Variants in FAF2 observed in about 807,000 individuals in gnomAD.
The protein encoded by FAF2 is FAS-associated factor 2.
A neutral mutation model predicts 62.3 loss-of-function variants in FAF2; 9 were observed. The ratio of observed to expected loss-of-function variants is 0.14; its 90% CI spans 0.09 to 0.25. The LOEUF (loss-of-function observed/expected upper bound fraction) is 0.25, where lower values mean the gene tolerates loss of function less well. FAF2 is among the 10% of genes least tolerant of loss of function. FAF2 has a pLI of 1.00. For synonymous variants in FAF2, 202 were observed against 198.0 expected (o/e 1.02, Z -0.17); for missense variants, 368 against 556.2 (o/e 0.66, Z 3.40).
intron 5 of FAF2, among the ~76,000 whole-genome samples, 173 bp from the exon 6 acceptor site, chr5:176,493,826 A>G (rs1224540658): frequency 1.3e-5 from 2 of 152,188 alleles, no homozygotes; most frequent in African/African-American, 2.4e-5. Flanking sequence ...AGGGAGAACA[A>G]TGCCAGGGGT....
chr5:176,495,183 A>C (rs1199194431), intron 7 of FAF2, among the ~76,000 whole-genome samples: 1 of 152,170 alleles, frequency 6.6e-6, no homozygotes, highest in East Asian at 1.9e-4. Context: ...AAATGTAGTC[A>C]TTTTTGTGGC....
At chr5:176,488,870 A>T in intron 3 of FAF2, 81 bp from the exon 4 acceptor site, 1 of 1,120,928 alleles carries the variant, frequency 8.9e-7, no homozygotes, top group Non-Finnish European at 1.4e-6. Flanking sequence ...GACCAAAAAG[A>T]GTGAGAAAAT....
intron 2 of FAF2, among the ~76,000 whole-genome samples, chr5:176,482,220 G>GTTTT (rs34956788): frequency 2.8e-5 from 4 of 142,034 alleles, no homozygotes; most frequent in Non-Finnish European, 3.0e-5. Context: ...AGCTGTGAAA[G>GTTTT]TTTTTTTTTT....
chr5:176,468,893 A>G (rs897612041), intron 1 of FAF2, among the ~76,000 whole-genome samples: 4 of 151,804 alleles, frequency 2.6e-5, no homozygotes, highest in African/African-American at 7.3e-5. Flanking sequence ...ACAGTGAGCT[A>G]TGATCATGCT....
At chr5:176,459,681 A>G (rs1036292516) in intron 1 of FAF2, among the ~76,000 whole-genome samples, 1 of 152,104 alleles carries the variant, frequency 6.6e-6, no homozygotes, top group African/African-American at 2.4e-5. Context: ...GCAAAATGAC[A>G]TAGATATTTG....
intron 1 of FAF2, among the ~76,000 whole-genome samples, chr5:176,456,323 C>T (rs1360360552): frequency 1.3e-5 from 2 of 152,146 alleles, no homozygotes; most frequent in Non-Finnish European, 2.9e-5. Flanking sequence ...CCGCCTACCT[C>T]GGCCTCTCAA....
At chr5:176,464,050 T>C (rs1165453074) in intron 1 of FAF2, among the ~76,000 whole-genome samples, 2 of 152,178 alleles carry the variant, frequency 1.3e-5, no homozygotes, top group East Asian at 1.9e-4. Flanking sequence ...CTATTGCTGC[T>C]ACACAAATTA....
In FAF2 at chr5:176,451,843, C is replaced by CATATATATAT. The variant is rs1561813505; in HGVS notation, c.63+3374_63+3375insTATATATATA. ...ATATATATATACATATATATATATACACACATATATATACACATATATATA... is the reference window on the plus strand; with the variant it reads ...ATATATATATACATATATATATATACATATATATATACACATATATATACACATATATATA... On this transcript the variant is annotated intron_variant, in intron 1 of 10. Transcript: ENST00000261942. Among the ~76,000 whole-genome samples the CATATATATAT allele has an allele frequency of 8.5e-4, 11 of 12,972 alleles. 1 individual carries two copies. Among genetic ancestry groups the CATATATATAT allele is most frequent in the African/African-American group, 2.3e-3 (9 of 3,926 alleles). The allele number at this position is 12,972 out of a possible 152,430, so 8.5% of individuals were successfully genotyped here.
chr5:176,475,162 G>A (rs865950044), intron 1 of FAF2, among the ~76,000 whole-genome samples: 16 of 152,104 alleles, frequency 1.1e-4, no homozygotes, highest in African/African-American at 3.9e-4. Flanking sequence ...ATTGAGATGA[G>A]GTCTCTCTGT....
At chr5:176,449,731 C>T (rs1758132319) in intron 1 of FAF2, among the ~76,000 whole-genome samples, 1 of 152,176 alleles carries the variant, frequency 6.6e-6, no homozygotes, top group Non-Finnish European at 1.5e-5. Context: ...CACTTATTTC[C>T]TTATATAAAA....
intron 4 of FAF2, among the ~76,000 whole-genome samples, chr5:176,489,513 C>G (rs1581070898): frequency 6.6e-6 from 1 of 152,076 alleles, no homozygotes; most frequent in East Asian, 1.9e-4. Context: ...CCTAGACACT[C>G]CTGTTACACC....
rs199646213 is a variant in FAF2 at position 176,488,922 on chromosome 5, T to C, written c.268-29T>C. 1.0e-4 allele frequency: 160 copies of C among 1,568,726 alleles called. 1 individual carries two copies. The African/African-American group carries it at 1.8e-3, about 18-fold the overall frequency. On this transcript the variant is annotated intron_variant, in intron 3 of 10. Transcript: ENST00000261942. The stretch of plus-strand genomic sequence containing the variant: ...ATAAAATATTAGGGATTGAGAGAAT[T>C]GTCTCTAACTTTGTTTTTGGACTTT...
intron 7 of FAF2, among the ~76,000 whole-genome samples, chr5:176,495,250 C>G (rs1436395198): frequency 6.6e-6 from 1 of 152,162 alleles, no homozygotes; most frequent in Non-Finnish European, 1.5e-5. Flanking sequence ...TGTGCCATGT[C>G]TTGAGAACCA....
chr5:176,471,725 C>T (rs1758573986), intron 1 of FAF2, among the ~76,000 whole-genome samples: 1 of 137,592 alleles, frequency 7.3e-6, no homozygotes, highest in African/African-American at 2.7e-5. Context: ...CTCTGTCTGT[C>T]ACCTGGGCTG....
chr5:176,451,831 T>C (rs13357139), intron 1 of FAF2, among the ~76,000 whole-genome samples: 841 of 25,934 alleles, frequency 0.032, 130 homozygotes, highest in Admixed American at 0.17. Context: ...TATATATACA[T>C]ATATATATAT....
In FAF2 at chr5:176,488,961, G is replaced by A; in HGVS notation, c.278G>A (p.Gly93Glu). ...VSRPQPRGLL[G>E]WGYYLIMLPF... ...TTTTTGGACTTTCAGGGGCTGCTTG[G>A]ATGGGGTTATTACTTGATAATGCTT... Residue 93 changes from glycine to glutamate, a missense_variant, in exon 4 of 11, where the codon GGA becomes GAA. Transcript: ENST00000261942. 6.2e-7 allele frequency: 1 copy of A among 1,613,964 alleles called. No individual in the cohort carries two copies. The highest frequency in any genetic ancestry group is 8.5e-7 in the Non-Finnish European group (1 of 1,179,908).
chr5:176,494,056 G>A lies in FAF2; in HGVS notation c.541G>A (p.Asp181Asn), dbSNP rs757541270. The A allele has an allele frequency of 6.2e-7, 1 of 1,614,028 alleles. No homozygotes were observed. The highest frequency in any genetic ancestry group is 1.7e-5 in the Admixed American group (1 of 60,018). ...RFLLVYLHGD[D>N]HQDSDEFCRN... ...TCTTTTGGTTTATCTTCATGGAGAT[G>A]ATCACCAGGACTCTGATGAGTTTTG... Residue 181 changes from aspartate (D) to asparagine (N), a missense_variant, in exon 6 of 11, where the codon GAT becomes AAT. Physicochemically the swap from Asp to Asn is conservative, Grantham distance 23. Around this residue, in one of 2 missense-constraint regions of FAF2, gnomAD observed 331 missense variants for 441.9 expected, o/e 0.75. Coordinates refer to ENST00000261942, the MANE Select transcript of FAF2 (RefSeq NM_014613.3). The surrounding 1 kb of genome is among the most constrained non-coding windows in gnomAD (Gnocchi z 4.0).
rs757253233 is a variant in FAF2, at chr5:176,498,965, C to T, written c.891C>T (p.Tyr297=). 35 of 1,612,794 alleles carry T rather than the reference C, an allele frequency of 2.2e-5. No individual in the cohort carries two copies. In the Admixed American group the frequency reaches 4.8e-4, roughly 22 times the overall value. ...QVLRQQQDEA[Y]LASLRADQEK... ...TGAGACAACAGCAGGATGAGGCCTACCTGGCCTCTCTCAGAGCTGACCAGG... is the reference window on the plus strand; with the variant it reads ...TGAGACAACAGCAGGATGAGGCCTATCTGGCCTCTCTCAGAGCTGACCAGG... The change falls in exon 9 of 11, where the codon TAC becomes TAT. Residue 297 remains tyrosine (Y), a synonymous_variant. Coordinates refer to ENST00000261942, the MANE Select transcript of FAF2 (RefSeq NM_014613.3).
rs887334059 is a variant in FAF2, at chr5:176,486,424, C to A, written c.202C>A (p.Pro68Thr). 4 of 1,614,116 alleles carry A rather than the reference C, an allele frequency of 2.5e-6. No homozygotes were observed. The African/African-American group carries it at 4.0e-5, about 16-fold the overall frequency. ...TGTTTTCAACCCACCTCCATCACGA[C>A]CCCTGCAGGTTAATACAGCTGACCA... is the stretch of plus-strand genomic sequence containing the variant. ...PSVFNPPPSRPLQVNTADHRI... is the reference protein window; with the variant it reads ...PSVFNPPPSRTLQVNTADHRI... The change falls in exon 3 of 11, where the codon CCC becomes ACC. Residue 68 changes from proline to threonine, a missense_variant. By Grantham distance (38) the Pro-to-Thr change is conservative. This residue lies in a region of FAF2 where 331 missense variants were observed against 441.9 expected (regional missense o/e 0.75). Transcript: ENST00000261942.
Sources: allele counts gnomAD v4.1 joint callset (sites outside exome capture counted in the v4.1 genomes callset), GRCh38; gene constraint gnomAD v4.1.1; regional missense constraint gnomAD v4.1.1; non-coding constraint Gnocchi (gnomAD v3.1); transcripts MANE v1.5; gene names NCBI Gene and HGNC (gene_info 2026-07-23, HGNC 2026-07-21).